Variants in MACF1 observed in about 807,000 individuals in gnomAD.
MACF1 encodes microtubule-actin cross-linking factor 1.
In MACF1, 193 loss-of-function variants were observed where a neutral mutation model predicts 854.8. The ratio of observed to expected loss-of-function variants is 0.23; its 90% CI spans 0.20 to 0.25. The LOEUF is 0.25. MACF1 is among the 10% of genes least tolerant of loss of function. MACF1 has a pLI of 1.00. For missense variants in MACF1, 7,722 were observed against 8,929.1 expected (o/e 0.86, Z 5.45); for synonymous variants, 3,185 against 3,226.7 (o/e 0.99, Z 0.44).
intron 2 of MACF1, among the ~76,000 whole-genome samples, chr1:39,198,429 G>A (rs1644349607): frequency 6.6e-6 from 1 of 151,424 alleles, no homozygotes; most frequent in Admixed American, 6.6e-5. Context: ...GAGGCGGGTG[G>A]ATCATGAGGT....
intron 2 of MACF1, among the ~76,000 whole-genome samples, chr1:39,161,378 T>C (rs1482823522): frequency 2.6e-5 from 4 of 152,118 alleles, no homozygotes; most frequent in African/African-American, 9.7e-5. Flanking sequence ...GAAAAATTTA[T>C]GATAGGACTA....
intron 58 of MACF1, chr1:39,413,804 C>T (rs565712957): frequency 1.3e-6 from 2 of 1,599,510 alleles, no homozygotes; most frequent in South Asian, 2.2e-5. Flanking sequence ...CCCACCCCAG[C>T]AGAATCTGCC....
rs1569802695 is a variant in MACF1 at position 39,379,383 on chromosome 1, T to C, written c.13457T>C (p.Met4486Thr). ...LESKEEVLKS[M>T]DAMSSPTKTE... ...TCAAAAGAGGAAGTCCTGAAATCCA[T>C]GGATGCCATGTCATCTCCAACCAAG... The change falls in exon 54 of 101, where the codon ATG becomes ACG. Residue 4486 changes from methionine (M) to threonine (T), a missense_variant. This residue lies in a region of MACF1 where 2,807 missense variants were observed against 3,235.8 expected (regional missense o/e 0.87). Coordinates refer to ENST00000564288, the MANE Select transcript of MACF1 (RefSeq NM_001394062.1). 3.1e-6 allele frequency: 5 copies of C among 1,614,042 alleles called. No individual in the cohort carries two copies. The highest frequency in any genetic ancestry group is 2.7e-5 in the African/African-American group (2 of 74,936).
At chr1:39,276,565 C>G (rs892610475) in intron 6 of MACF1, among the ~76,000 whole-genome samples, 1 of 152,150 alleles carries the variant, frequency 6.6e-6, no homozygotes, top group South Asian at 2.1e-4. Flanking sequence ...CCACTTTCTA[C>G]GTGGAATTCC....
chr1:39,162,026 G>A (rs1391294566), intron 2 of MACF1, among the ~76,000 whole-genome samples: 2 of 151,808 alleles, frequency 1.3e-5, no homozygotes, highest in African/African-American at 4.8e-5. Flanking sequence ...TCATGCCACT[G>A]CACTACAGCC....
intron 2 of MACF1, among the ~76,000 whole-genome samples, chr1:39,161,545 C>A (rs527926347): frequency 9.0e-4 from 137 of 151,986 alleles, no homozygotes; most frequent in African/African-American, 3.0e-3. Context: ...TCTCTAAAAA[C>A]AAGCAAACAA....
At chr1:39,405,663 G>A (rs1642667965) in intron 58 of MACF1, among the ~76,000 whole-genome samples, 1 of 152,234 alleles carries the variant, frequency 6.6e-6, no homozygotes, top group Admixed American at 6.5e-5. Flanking sequence ...TAAGTTCACT[G>A]AAGGAAAATC....
chr1:39,412,710 C>G, intron 58 of MACF1: 8 of 1,613,922 alleles, frequency 5.0e-6, no homozygotes, highest in Non-Finnish European at 6.8e-6. Flanking sequence ...AACAAGTTAC[C>G]AAGGCTGGTA....
At chr1:39,437,183 A>G (rs1031048515) in intron 70 of MACF1, among the ~76,000 whole-genome samples, 5 of 151,174 alleles carry the variant, frequency 3.3e-5, no homozygotes, top group African/African-American at 1.2e-4. Context: ...TTGTGGCAGC[A>G]CTAAAGATTT....
upstream of MACF1, chr1:39,204,310 C>G (rs546780561): frequency 5.8e-3 from 885 of 152,384 alleles, 8 homozygotes; most frequent in Non-Finnish European, 8.1e-3. Context: ...AGAAGTACCC[C>G]CTAAATGAGC....
chr1:39,289,693 C>CTTTTTTTTTTTT lies in MACF1; in HGVS notation c.1785+2152_1785+2163dup, dbSNP rs58188740. On this transcript the variant is annotated intron_variant, in intron 15 of 100. Coordinates refer to ENST00000564288, the MANE Select transcript of MACF1 (RefSeq NM_001394062.1). The stretch of plus-strand genomic sequence containing the variant: ...ATTTTCTCCCATTCTGTGGGTTGTC[C>CTTTTTTTTTTTT]TTTTTTTTTTTTTTTTTTTTTTTTT... Among the ~76,000 whole-genome samples the CTTTTTTTTTTTT allele has an allele frequency of 6.8e-3, 196 of 28,968 alleles. 79 individuals are homozygous for CTTTTTTTTTTTT. The highest frequency in any genetic ancestry group is 0.01 in the Admixed American group (14 of 1,368). 19.0% of individuals were successfully genotyped at this position (28,968 alleles called of 152,430 possible).
At chr1:39,190,778 T>C (rs1225911584) in intron 2 of MACF1, among the ~76,000 whole-genome samples, 3 of 151,992 alleles carry the variant, frequency 2.0e-5, no homozygotes, top group African/African-American at 4.8e-5. Context: ...GTGGATCACT[T>C]GAGGCCAGGA....
At chr1:39,155,341 T>A (rs537884236) in intron 2 of MACF1, among the ~76,000 whole-genome samples, 1 of 152,234 alleles carries the variant, frequency 6.6e-6, no homozygotes, top group East Asian at 1.9e-4. Flanking sequence ...TTAGTTCAAG[T>A]GGTTAAGTCA....
chr1:39,125,412 G>A (rs1008685618), intron 2 of MACF1, among the ~76,000 whole-genome samples: 5 of 152,188 alleles, frequency 3.3e-5, no homozygotes, highest in Non-Finnish European at 7.3e-5. Flanking sequence ...ACCTTGCAGG[G>A]ATATTGTGAG....
In MACF1 at chr1:39,292,747, T is replaced by C. The variant is rs531401922; in HGVS notation, c.1915-19T>C. 3.6e-5 allele frequency: 56 copies of C among 1,569,586 alleles called. No individual in the cohort carries two copies. In the South Asian group the frequency reaches 5.6e-4, roughly 16 times the overall value. On this transcript the variant is annotated intron_variant, in intron 16 of 100. Coordinates refer to ENST00000564288, the MANE Select transcript of MACF1 (RefSeq NM_001394062.1). ...TACTCTTTCTCTAATGTATTTTTAT[T>C]TCATTCTTTTTTAATCAGGGAAAGA...
At chr1:39,272,027 C>T (rs1014472217) in intron 6 of MACF1, among the ~76,000 whole-genome samples, 1 of 152,146 alleles carries the variant, frequency 6.6e-6, no homozygotes, top group Non-Finnish European at 1.5e-5. Flanking sequence ...GCATCTATTC[C>T]TTCTACCTTT....
intron 70 of MACF1, chr1:39,436,460 T>C (rs1381374368): frequency 1.2e-6 from 2 of 1,613,812 alleles, no homozygotes; most frequent in African/African-American, 1.3e-5. Flanking sequence ...CATTGTTGTG[T>C]TGACCGCGCC....
chr1:39,377,236 T>G (rs1649800855), intron 52 of MACF1, among the ~76,000 whole-genome samples: 1 of 151,786 alleles, frequency 6.6e-6, no homozygotes, highest in African/African-American at 2.4e-5. Context: ...GTCTCGAACC[T>G]CCTGAGCTCA....
rs557756731 is a variant in MACF1, at chr1:39,404,672, C to T, written c.15816+16014C>T. Among the ~76,000 whole-genome samples the T allele has an allele frequency of 4.6e-5, 7 of 152,158 alleles. No individual in the cohort carries two copies. The South Asian group carries it at 6.2e-4, about 14-fold the overall frequency. ...CCAATTTTTTAACTTTTTGTAGAGA[C>T]GAGTGTCTTGCAATGTTGCTTCGGC... On this transcript the variant is annotated intron_variant, in intron 58 of 100. Coordinates refer to ENST00000564288, the MANE Select transcript of MACF1 (RefSeq NM_001394062.1).
Sources: gnomAD v4.1 joint callset for allele counts (sites outside exome capture counted in the v4.1 genomes callset) on GRCh38, gnomAD v4.1.1 for gene constraint, gnomAD v4.1.1 regional missense constraint, MANE v1.5 for transcripts, NCBI Gene and HGNC (gene_info 2026-07-23, HGNC 2026-07-21) for gene names.